Variants in ASB5 observed in about 807,000 individuals in gnomAD.
ASB5 encodes ankyrin repeat and SOCS box protein 5.
ASB5 carries 45 observed loss-of-function variants against 42.1 expected under a neutral mutation model. The ratio of observed to expected loss-of-function variants is 1.07; its 90% CI spans 0.84 to 1.37. ASB5 has a LOEUF of 1.37. Ranked by LOEUF, ASB5 falls within the 40% of genes most tolerant of loss-of-function variation. ASB5 has a pLI of 0.00. For missense variants in ASB5, 402 were observed against 399.8 expected, an observed-to-expected ratio of 1.01 and a Z score of -0.05; for synonymous variants, 147 against 150.6, an observed-to-expected ratio of 0.98 and a Z score of 0.18.
At chr4:176,259,002 G>A (rs1381959264) in intron 1 of ASB5, among the ~76,000 whole-genome samples, 2 of 151,892 alleles carry the variant, frequency 1.3e-5, no homozygotes, top group Admixed American at 1.3e-4. Context: ...GTCTTGTTTT[G>A]TTGGTTTATT....
chr4:176,275,518 A>G (rs1754547457), intron 2 of ASB5, among the ~76,000 whole-genome samples: 1 of 152,226 alleles, frequency 6.6e-6, no homozygotes, highest in Non-Finnish European at 1.5e-5. Flanking sequence ...GAGCAATACT[A>G]GTACATAGTT....
intron 2 of ASB5, 78 bp from the exon 3 acceptor site, chr4:176,222,498 G>A: frequency 7.8e-7 from 1 of 1,276,442 alleles, no homozygotes; most frequent in Non-Finnish European, 1.1e-6. Context: ...TCACTAGAGA[G>A]TGATATATTT....
chr4:176,219,599 T>TATATATATAA lies in ASB5; in HGVS notation c.670+1555_670+1556insTTATATATAT, dbSNP rs1753139406. ...TGATATATATATATATATATATATATATATATATATATATATATAGGCTGG... is the reference window on the plus strand; with the variant it reads ...TGATATATATATATATATATATATATATATATATAAATATATATATATATATATAGGCTGG... On this transcript the variant is annotated intron_variant, in intron 5 of 6. Coordinates refer to ENST00000296525, the MANE Select transcript of ASB5 (RefSeq NM_080874.4). Among the ~76,000 whole-genome samples, 6 of 118,044 alleles carry TATATATATAA rather than the reference T, an allele frequency of 5.1e-5. 1 individual carries two copies. The highest frequency in any genetic ancestry group is 1.0e-4 in the Non-Finnish European group (6 of 58,360). The allele number at this position is 118,044 out of a possible 152,430, so 77.4% of individuals were successfully genotyped here. A position where few individuals can be genotyped will look rare whatever the true frequency, so the allele number is the denominator to read the frequency against.
chr4:176,259,403 A>C (rs1754215317), intron 1 of ASB5, among the ~76,000 whole-genome samples: 1 of 152,218 alleles, frequency 6.6e-6, no homozygotes, highest in Non-Finnish European at 1.5e-5. Flanking sequence ...ATGAAGTAGA[A>C]TTTGGAAAAC....
rs143063505 is a variant in ASB5 at position 176,239,597 on chromosome 4, G to A, written c.197-14256C>T. On this transcript the variant is annotated intron_variant, in intron 1 of 6. Transcript: ENST00000296525. The stretch of plus-strand genomic sequence containing the variant: ...TCACAGAGACTGAGTCTATACAGCT[G>A]TTATTGCACAGGTCTAAGTACTGGA... Among the ~76,000 whole-genome samples the A allele has an allele frequency of 3.9e-3, 600 of 152,294 alleles. 2 individuals carry two copies. Among genetic ancestry groups the A allele is most frequent in the African/African-American group, 0.013 (542 of 41,558 alleles).
At chr4:176,263,897 G>A (rs1467491956) in intron 1 of ASB5, among the ~76,000 whole-genome samples, 1 of 151,662 alleles carries the variant, frequency 6.6e-6, no homozygotes, top group Non-Finnish European at 1.5e-5. Flanking sequence ...TATTAATGGA[G>A]AAAAAAAAGA....
intron 5 of ASB5, among the ~76,000 whole-genome samples, chr4:176,219,577 T>G (rs1185132782): frequency 1.1e-4 from 1 of 8,916 alleles, no homozygotes; most frequent in Non-Finnish European, 2.1e-4. Context: ...ATTTGTATGA[T>G]ATATATATAT....
chr4:176,241,821 G>T, intron 1 of ASB5: 1 of 351,126 alleles, frequency 2.8e-6, no homozygotes, highest in Non-Finnish European at 4.6e-6. Flanking sequence ...TGTCAATCTT[G>T]TGGTGAGTGA....
intron 1 of ASB5, among the ~76,000 whole-genome samples, chr4:176,260,384 A>G (rs1754236040): frequency 6.6e-6 from 1 of 152,208 alleles, no homozygotes; most frequent in Non-Finnish European, 1.5e-5. Context: ...GGAATTGTAG[A>G]ATGAGGATTG....
chr4:176,243,772 G>A (rs776141487), intron 1 of ASB5, among the ~76,000 whole-genome samples: 12 of 152,034 alleles, frequency 7.9e-5, no homozygotes, highest in Non-Finnish European at 1.2e-4. Context: ...CCAAAATGCT[G>A]GTATTACAGG....
chr4:176,251,075 T>A (rs1306013875), intron 1 of ASB5, among the ~76,000 whole-genome samples: 1 of 151,982 alleles, frequency 6.6e-6, no homozygotes, highest in Non-Finnish European at 1.5e-5. Context: ...AAATCTGATC[T>A]GCACCATGGA....
intron 1 of ASB5, among the ~76,000 whole-genome samples, chr4:176,238,795 C>T (rs1436092199): frequency 2.0e-5 from 3 of 152,172 alleles, no homozygotes; most frequent in African/African-American, 7.2e-5. Context: ...ATGCACTACC[C>T]TATGGACATT....
intron 2 of ASB5, among the ~76,000 whole-genome samples, chr4:176,274,246 C>T (rs1190079883): frequency 1.3e-5 from 2 of 151,980 alleles, no homozygotes; most frequent in Non-Finnish European, 2.9e-5. Context: ...GTTAGTTGCA[C>T]CTGAAGTAGC....
At chr4:176,228,548 A>G (rs1753440763) in intron 1 of ASB5, among the ~76,000 whole-genome samples, 1 of 152,244 alleles carries the variant, frequency 6.6e-6, no homozygotes. Context: ...TTGCTTATCT[A>G]GAAAAATTAG....
intron 2 of ASB5, among the ~76,000 whole-genome samples, chr4:176,224,595 A>T (rs1462719846): frequency 6.6e-6 from 1 of 150,714 alleles, no homozygotes; most frequent in African/African-American, 2.4e-5. Flanking sequence ...CTGGTCTCGA[A>T]CTCCTGACCT....
Position 176,215,454 on chromosome 4 carries a change from A to C in ASB5, c.*146T>G. The C allele has an allele frequency of 1.3e-6, 1 of 769,768 alleles. No homozygotes were observed. The highest frequency in any genetic ancestry group is 2.2e-5 in the South Asian group (1 of 45,458). The allele number at this position is 769,768 out of a possible 1,614,324, so 47.7% of individuals were successfully genotyped here. A position where few individuals can be genotyped will look rare whatever the true frequency, so the allele number is the denominator to read the frequency against. ...ATAAAACAATAGTACTAATACACTT[A>C]AAATGAAAATTGATATTTTACTGCT... On this transcript the variant is annotated 3_prime_UTR_variant, in exon 7 of 7. Coordinates refer to ENST00000296525, the MANE Select transcript of ASB5 (RefSeq NM_080874.4).
chr4:176,241,352 C>T, intron 1 of ASB5: 2 of 861,284 alleles, frequency 2.3e-6, no homozygotes, highest in Non-Finnish European at 3.4e-6. Flanking sequence ...AGTTTCCCAT[C>T]CTTAGAAAAA....
At chr4:176,265,060 G>A (rs1387135525) in intron 1 of ASB5, among the ~76,000 whole-genome samples, 2 of 152,018 alleles carry the variant, frequency 1.3e-5, no homozygotes, top group African/African-American at 4.8e-5. Context: ...TTAAATTATG[G>A]TTTAATACAT....
chr4:176,247,286 G>T (rs12645044), intron 1 of ASB5, among the ~76,000 whole-genome samples: 70,659 of 151,944 alleles, frequency 0.47, 16,564 homozygotes, highest in East Asian at 0.64. Flanking sequence ...TGATTTATAG[G>T]TTCAATGAAT....
Sources: allele counts gnomAD v4.1 joint callset (sites outside exome capture counted in the v4.1 genomes callset), GRCh38; gene constraint gnomAD v4.1.1; transcripts MANE v1.5; gene names NCBI Gene and HGNC (gene_info 2026-07-23, HGNC 2026-07-21).